Variants in MPHOSPH9 observed in about 807,000 individuals in gnomAD.
MPHOSPH9 encodes M-phase phosphoprotein 9.
In MPHOSPH9, 88 loss-of-function variants were observed where a neutral mutation model predicts 145.5. That is an observed-to-expected ratio of 0.60 (90% CI 0.51 to 0.72). MPHOSPH9 has a LOEUF of 0.72. Among genes scored for constraint, MPHOSPH9 ranks in the 30% least tolerant of loss-of-function variants. The pLI is 0.00. For synonymous variants in MPHOSPH9, 435 were observed against 486.2 expected, an observed-to-expected ratio of 0.89 and a Z score of 1.39; for missense variants, 1,238 against 1,386.6, an observed-to-expected ratio of 0.89 and a Z score of 1.70.
chr12:123,169,612 T>C (rs568136985), intron 16 of MPHOSPH9, among the ~76,000 whole-genome samples: 63 of 152,266 alleles, frequency 4.1e-4, no homozygotes, highest in African/African-American at 1.5e-3. Flanking sequence ...CAATTTTTTT[T>C]TTTCTTGAGA....
At chr12:123,188,136 C>T (rs1593136036) in intron 13 of MPHOSPH9, among the ~76,000 whole-genome samples, 1 of 151,960 alleles carries the variant, frequency 6.6e-6, no homozygotes, top group African/African-American at 2.4e-5. Context: ...CAAAAACAAA[C>T]AAACAAAAAA....
intron 12 of MPHOSPH9, among the ~76,000 whole-genome samples, chr12:123,195,325 G>A (rs949822817): frequency 2.6e-5 from 4 of 152,032 alleles, no homozygotes; most frequent in Non-Finnish European, 5.9e-5. Context: ...AGTAGCTCAC[G>A]CCTGTAATCC....
At chr12:123,180,564 A>C (rs1365458648) in intron 14 of MPHOSPH9, among the ~76,000 whole-genome samples, 2 of 152,188 alleles carry the variant, frequency 1.3e-5, no homozygotes, top group Non-Finnish European at 2.9e-5. Flanking sequence ...GTGAAAATCA[A>C]AGCTTGATAT....
At chr12:123,220,384 C>T (rs1452227694) in intron 5 of MPHOSPH9, among the ~76,000 whole-genome samples, 5 of 151,274 alleles carry the variant, frequency 3.3e-5, no homozygotes, top group Non-Finnish European at 5.9e-5. Context: ...GCCAACACAG[C>T]GGAACTCTGT....
chr12:123,172,699 T>C (rs2044639166), intron 16 of MPHOSPH9, among the ~76,000 whole-genome samples: 1 of 152,034 alleles, frequency 6.6e-6, no homozygotes. Context: ...GTAGAAACCA[T>C]TCTTTACTCA....
At chr12:123,194,624 A>AAT in intron 12 of MPHOSPH9, 23 bp from the exon 13 acceptor site, 1 of 1,242,870 alleles carries the variant, frequency 8.0e-7, no homozygotes, top group Non-Finnish European at 1.1e-6. Flanking sequence ...GACAAACATA[A>AAT]TTTTTTTTTT....
Position 123,156,560 on chromosome 12 carries a change from G to T in MPHOSPH9, c.*247C>A. On this transcript the variant is annotated 3_prime_UTR_variant, in exon 24 of 24. Transcript: ENST00000606320. ...TATTTCCTTATTCTTGATATAAATT[G>T]GAGACAGATACTATTTAAAAATAAT... 3.4e-6 allele frequency: 1 copy of T among 297,534 alleles called. No individual in the cohort carries two copies. The highest frequency in any genetic ancestry group is 6.2e-6 in the Non-Finnish European group (1 of 161,640). The allele number at this position is 297,534 out of a possible 1,614,324, so 18.4% of individuals were successfully genotyped here. A position where few individuals can be genotyped will look rare whatever the true frequency, so the allele number is the denominator to read the frequency against.
At chr12:123,161,004 G>A (rs781617187) in intron 22 of MPHOSPH9, 132 bp downstream of exon 22, 10 of 1,348,498 alleles carry the variant, frequency 7.4e-6, no homozygotes, top group Admixed American at 2.2e-5. Context: ...GCTCAAATCC[G>A]TTGCTAGCAC....
chr12:123,169,123 G>A (rs1035602168), intron 16 of MPHOSPH9, among the ~76,000 whole-genome samples: 11 of 151,176 alleles, frequency 7.3e-5, no homozygotes, highest in African/African-American at 2.4e-4. Flanking sequence ...TGCTGACCTC[G>A]TGATCCACCC....
chr12:123,218,333 T>C, intron 6 of MPHOSPH9, 43 bp downstream of exon 6: 2 of 1,609,280 alleles, frequency 1.2e-6, no homozygotes, highest in East Asian at 2.2e-5. Flanking sequence ...ACCCACATAA[T>C]CATCAGTACT....
At chr12:123,153,490 G>C (rs1477419684), downstream of MPHOSPH9, 1 of 152,084 alleles carries the variant, frequency 6.6e-6, no homozygotes, top group Non-Finnish European at 1.5e-5. Context: ...CTCAAGGCTG[G>C]GCGCAGTGGC....
At chr12:123,177,144 C>T (rs995623642) in intron 15 of MPHOSPH9, among the ~76,000 whole-genome samples, 1 of 151,712 alleles carries the variant, frequency 6.6e-6, no homozygotes, top group Non-Finnish European at 1.5e-5. Flanking sequence ...GAGCCGAGAT[C>T]GCACCAGCCT....
chr12:123,213,106 G>A (rs964848264), intron 7 of MPHOSPH9, among the ~76,000 whole-genome samples: 1 of 151,884 alleles, frequency 6.6e-6, no homozygotes, highest in African/African-American at 2.4e-5. Context: ...TGATCCGCCC[G>A]ACCTGGCCTC....
chr12:123,202,069 C>A (rs2046244962), intron 11 of MPHOSPH9, 95 bp downstream of exon 11: 2 of 1,283,396 alleles, frequency 1.6e-6, no homozygotes, highest in South Asian at 1.7e-5. Flanking sequence ...AATTTCAGAT[C>A]CAAAGTATTT....
intron 19 of MPHOSPH9, 118 bp from the exon 20 acceptor site, chr12:123,163,252 TGAGA>T (rs779733043): frequency 6.4e-5 from 73 of 1,136,280 alleles, no homozygotes; most frequent in Non-Finnish European, 8.4e-5. Flanking sequence ...CGTAAAACTT[TGAGA>T]GAGAAATAAG....
chr12:123,237,332 A>G (rs2138742657), upstream of MPHOSPH9, among the ~76,000 whole-genome samples: 1 of 152,298 alleles, frequency 6.6e-6, no homozygotes, highest in East Asian at 1.9e-4. Flanking sequence ...CAGGAGGCTG[A>G]GACAGGAGAA....
chr12:123,166,039 G>A (rs538682328), intron 17 of MPHOSPH9, among the ~76,000 whole-genome samples: 78 of 152,308 alleles, frequency 5.1e-4, no homozygotes, highest in African/African-American at 1.7e-3. Context: ...TGGAGTAAGC[G>A]GCTGAGGCTG....
intron 8 of MPHOSPH9, among the ~76,000 whole-genome samples, chr12:123,206,337 C>G (rs1388823561): frequency 6.6e-6 from 1 of 151,702 alleles, no homozygotes; most frequent in East Asian, 1.9e-4. Flanking sequence ...TTGCACATGA[C>G]TGTAGTCCCA....
intron 13 of MPHOSPH9, among the ~76,000 whole-genome samples, chr12:123,184,106 T>C (rs550372841): frequency 1.3e-5 from 2 of 151,616 alleles, no homozygotes; most frequent in East Asian, 3.9e-4. Context: ...CTGGGGAGGC[T>C]GAGGCAGGAA....
Sources: allele counts gnomAD v4.1 joint callset (sites outside exome capture counted in the v4.1 genomes callset), GRCh38; gene constraint gnomAD v4.1.1; transcripts MANE v1.5; gene names NCBI Gene and HGNC (gene_info 2026-07-23, HGNC 2026-07-21).